The following DHX57 variants were observed in gnomAD, a reference collection of about 807,000 sequenced individuals.
DHX57 encodes the protein putative ATP-dependent RNA helicase DHX57.
In DHX57, 105 loss-of-function variants were observed where a neutral mutation model predicts 156.2. That is an observed-to-expected ratio of 0.67 (90% confidence interval 0.57 to 0.79). The LOEUF (loss-of-function observed/expected upper bound fraction) is 0.79. Among genes scored for constraint, DHX57 ranks in the 30% least tolerant of loss-of-function variants. DHX57 has a pLI of 0.00. For missense variants in DHX57, 1,847 were observed against 1,661.9 expected (o/e 1.11, Z -1.94); for synonymous variants, 704 against 595.6 (o/e 1.18, Z -2.65).
At chr2:38,861,939 A>G in intron 4 of DHX57, 102 bp from the exon 5 acceptor site, 1 of 1,312,738 alleles carries the variant, frequency 7.6e-7, no homozygotes, top group Non-Finnish European at 1.0e-6. Context: ...ATGACTACAC[A>G]TAGGCAGGGC....
intron 13 of DHX57, among the ~76,000 whole-genome samples, chr2:38,830,603 T>C (rs1173091860): frequency 6.6e-6 from 1 of 150,636 alleles, no homozygotes; most frequent in African/African-American, 2.4e-5. Flanking sequence ...CACTTCACCC[T>C]GGGCCACAGA....
chr2:38,822,670 C>T (rs1670884779), intron 17 of DHX57, among the ~76,000 whole-genome samples: 1 of 152,218 alleles, frequency 6.6e-6, no homozygotes, highest in African/African-American at 2.4e-5. Flanking sequence ...GCGGGGATTA[C>T]AGGCATAAGC....
chr2:38,868,934 T>C lies in DHX57; in HGVS notation c.-6-523A>G, dbSNP rs1021391079. ...CTCCTACCTCAGCCTCTGGAGTAGC[T>C]GGGACTACAGGCGCCTGCCACCACG... On this transcript the variant is annotated intron_variant, in intron 1 of 23. Coordinates refer to ENST00000457308, the MANE Select transcript of DHX57 (RefSeq NM_198963.3). 5.9e-5 allele frequency among the ~76,000 whole-genome samples: 9 copies of C among 152,270 alleles called. No individual in the cohort carries two copies. In the South Asian group the frequency reaches 8.3e-4, roughly 14 times the overall value.
chr2:38,866,663 G>C (rs1489516615), intron 2 of DHX57, among the ~76,000 whole-genome samples: 2 of 152,166 alleles, frequency 1.3e-5, no homozygotes, highest in Admixed American at 6.5e-5. Flanking sequence ...CCTGGTGCAT[G>C]GTAGGCATTC....
rs1485384747 is a variant in DHX57 at position 38,802,907 on chromosome 2, G to A, written c.3825C>T (p.His1275=). The A allele has an allele frequency of 1.2e-6, 2 of 1,614,094 alleles. No homozygotes were observed. Among genetic ancestry groups the A allele is most frequent in the South Asian group, 1.1e-5 (1 of 91,076 alleles). Residue 1275 remains histidine, a synonymous_variant, in exon 23 of 24, where the codon CAC becomes CAT. Transcript: ENST00000457308. ...HPSSVNYQVR[H]FDSPYLLYHE... The stretch of plus-strand genomic sequence containing the variant: ...GGTACAACAGGTAGGGGCTGTCAAA[G>A]TGTCTCACCTGTAACAAAAAACCTC...
At chr2:38,831,213 C>T (rs774440521) in intron 13 of DHX57, among the ~76,000 whole-genome samples, 3 of 151,894 alleles carry the variant, frequency 2.0e-5, no homozygotes, top group Non-Finnish European at 4.4e-5. Flanking sequence ...TTATGTGCCT[C>T]ATCTGTCTGG....
intron 22 of DHX57, among the ~76,000 whole-genome samples, chr2:38,803,447 CA>C (rs1453760193): frequency 2.6e-5 from 4 of 151,968 alleles, no homozygotes; most frequent in Non-Finnish European, 4.4e-5. Context: ...TTTCAAATTA[CA>C]AAATGCCTTG....
At chr2:38,810,818 C>A in intron 21 of DHX57, 3 of 744,256 alleles carry the variant, frequency 4.0e-6, no homozygotes, top group Non-Finnish European at 7.3e-6. Flanking sequence ...AGGATGGTGC[C>A]TGCTGGGGTC....
chr2:38,864,904 C>T (rs2124940184), intron 2 of DHX57, among the ~76,000 whole-genome samples: 1 of 152,292 alleles, frequency 6.6e-6, no homozygotes, highest in Admixed American at 6.5e-5. Flanking sequence ...CCCACATTGT[C>T]AAATGCAGTG....
intron 19 of DHX57, among the ~76,000 whole-genome samples, chr2:38,818,347 A>C (rs1394990517): frequency 6.6e-6 from 1 of 152,114 alleles, no homozygotes; most frequent in Non-Finnish European, 1.5e-5. Context: ...CAGCATGGTG[A>C]AACCCCATCT....
chr2:38,867,692 G>A (rs545508545), intron 2 of DHX57, among the ~76,000 whole-genome samples: 14 of 152,196 alleles, frequency 9.2e-5, no homozygotes, highest in African/African-American at 3.4e-4. Context: ...CCTAGTACCT[G>A]GGATTACAGG....
In DHX57 at chr2:38,843,226, G is replaced by T. The variant is rs368518104; in HGVS notation, c.2220-16C>A. 2.8e-5 allele frequency: 45 copies of T among 1,612,790 alleles called. No homozygotes were observed. In the East Asian group the frequency reaches 9.6e-4, roughly 34 times the overall value. On this transcript the variant is annotated splice_polypyrimidine_tract_variant and intron_variant, in intron 11 of 23. Coordinates refer to ENST00000457308, the MANE Select transcript of DHX57 (RefSeq NM_198963.3). ...TAATACATACCTGAGAAAGACAAAG[G>T]AATGTGGTTGTGTGTATGTGGTCCT...
chr2:38,823,985 T>C (rs1339672478), intron 16 of DHX57, among the ~76,000 whole-genome samples: 2 of 151,552 alleles, frequency 1.3e-5, no homozygotes, highest in East Asian at 1.9e-4. Context: ...CACTCTAGCC[T>C]GGGTGACTGA....
chr2:38,806,482 G>C, intron 22 of DHX57, 77 bp downstream of exon 22: 3 of 1,516,726 alleles, frequency 2.0e-6, no homozygotes, highest in African/African-American at 2.7e-5. Flanking sequence ...ATAGAACATG[G>C]TGTGGCTGAA....
At chr2:38,819,270 G>A in intron 17 of DHX57, 126 bp from the exon 18 acceptor site, 2 of 819,828 alleles carry the variant, frequency 2.4e-6, no homozygotes, top group Non-Finnish European at 3.9e-6. Context: ...TATCTCCCAG[G>A]CTTAAGCAAT....
rs368170304 is a variant in DHX57 at position 38,859,416 on chromosome 2, A to G, written c.1412-580T>C. Among the ~76,000 whole-genome samples, 12 of 152,310 alleles carry G rather than the reference A, an allele frequency of 7.9e-5. No homozygotes were observed. The East Asian group carries it at 2.1e-3, about 27-fold the overall frequency. ...GAGACTGCTATGGGTACATGGGTAC[A>G]GGGTTTCTTTTGGGGTTGATGATAA... On this transcript the variant is annotated intron_variant, in intron 5 of 23. Transcript: ENST00000457308.
chr2:38,820,647 C>A (rs775806980), intron 17 of DHX57, among the ~76,000 whole-genome samples: 1 of 152,028 alleles, frequency 6.6e-6, no homozygotes, highest in South Asian at 2.1e-4. Context: ...ATTGAGATAA[C>A]TCACTACCAC....
At chr2:38,812,374 G>A (rs980947836) in intron 21 of DHX57, among the ~76,000 whole-genome samples, 2 of 152,158 alleles carry the variant, frequency 1.3e-5, no homozygotes, top group African/African-American at 4.8e-5. Flanking sequence ...AAAAGTTAAG[G>A]CTTTGAAAAA....
chr2:38,827,633 CT>C (rs1671170300), intron 14 of DHX57, among the ~76,000 whole-genome samples: 1 of 149,604 alleles, frequency 6.7e-6, no homozygotes, highest in Non-Finnish European at 1.5e-5. Context: ...AAACTTCATT[CT>C]TACATTTTAA....
Sources: allele counts gnomAD v4.1 joint callset (sites outside exome capture counted in the v4.1 genomes callset), GRCh38; gene constraint gnomAD v4.1.1; transcripts MANE v1.5; gene names NCBI Gene and HGNC (gene_info 2026-07-23, HGNC 2026-07-21).